Variants in BRWD3 observed in about 807,000 individuals in gnomAD.
BRWD3 encodes the protein bromodomain and WD repeat-containing protein 3.
Under a neutral mutation model 149.7 loss-of-function variants are expected in BRWD3, and 10 were observed. The observed-to-expected ratio is 0.07, with a 90% CI of 0.04 to 0.11. The LOEUF is 0.11. BRWD3 is among the 10% of genes least tolerant of loss of function. BRWD3 has a pLI of 1.00. For synonymous variants in BRWD3, 504 were observed against 456.7 expected (o/e 1.10, Z -1.32); for missense variants, 940 against 1,373.2 (o/e 0.68, Z 4.99).
chrX:80,693,189 A>C lies in BRWD3; in HGVS notation c.3152-138T>G, dbSNP rs905881941. ...AGCTTCCATCTAGGTTTTCGGGATA[A>C]GTGATTATTTTACATTTTAACCTCT... On this transcript the variant is annotated intron_variant, in intron 27 of 40. Transcript: ENST00000373275. The C allele has an allele frequency of 6.1e-5, 29 of 475,944 alleles. No individual in the cohort carries two copies. The East Asian group carries it at 9.6e-4, about 16-fold the overall frequency. The allele number at this position is 475,944 out of a possible 1,213,427, so 39.2% of individuals were successfully genotyped here.
Position 80,676,999 on chromosome X carries a change from T to C in BRWD3, c.5019A>G (p.Arg1673=). 1.7e-6 allele frequency: 2 copies of C among 1,210,553 alleles called. No homozygotes were observed. Among genetic ancestry groups the C allele is most frequent in the Non-Finnish European group, 2.2e-6 (2 of 894,593 alleles). The change falls in exon 41 of 41, where the codon AGA becomes AGG. Residue 1673 remains arginine, a synonymous_variant. Coordinates refer to ENST00000373275, the MANE Select transcript of BRWD3 (RefSeq NM_153252.5). ...ATCTACCCCATCTTCCCCATCTGCC[T>C]CTTCCTCCTGTGCCTCTGGTCTTCC... The part of the protein sequence containing the change: ...RNWKTRGTGG[R]GRWGRWGRWS...
chrX:80,709,986 A>G, intron 20 of BRWD3: 3 of 1,125,669 alleles, frequency 2.7e-6, no homozygotes, highest in Non-Finnish European at 3.7e-6. Context: ...CAAACTGAAT[A>G]TGCAATGGAA....
chrX:80,722,853 T>C (rs916931783), intron 16 of BRWD3, 66 bp from the exon 17 acceptor site: 11 of 957,048 alleles, frequency 1.1e-5, no homozygotes, highest in South Asian at 2.0e-5. Flanking sequence ...TTGTTTTCAT[T>C]CCTTGAGCAC....
chrX:80,735,950 T>C, intron 9 of BRWD3, 38 bp downstream of exon 9: 1 of 987,216 alleles, frequency 1.0e-6, no homozygotes, highest in Admixed American at 2.3e-5. Flanking sequence ...AGATAAAAAA[T>C]TAACATGCTT....
At chrX:80,743,857 A>T (rs1356295577) in intron 8 of BRWD3, 175 bp downstream of exon 8, 1 of 400,148 alleles carries the variant, frequency 2.5e-6, no homozygotes, top group African/African-American at 2.5e-5. Flanking sequence ...AAAAAAGATA[A>T]TCATATGAAA....
intron 25 of BRWD3, among the ~76,000 whole-genome samples, chrX:80,697,649 T>C (rs140900106): frequency 0.024 from 2,669 of 111,819 alleles, 63 homozygotes; most frequent in African/African-American, 0.083. Flanking sequence ...GTAAAGGCCA[T>C]GACCTCAATT....
chrX:80,702,495 G>A (rs910272200), intron 24 of BRWD3, among the ~76,000 whole-genome samples: 7 of 112,313 alleles, frequency 6.2e-5, no homozygotes, highest in African/African-American at 2.3e-4. Context: ...ATAGTGATTT[G>A]ATATATGCCA....
chrX:80,804,613 A>T (rs191853006), intron 4 of BRWD3, among the ~76,000 whole-genome samples: 170 of 111,786 alleles, frequency 1.5e-3, no homozygotes, highest in African/African-American at 5.4e-3. Flanking sequence ...AAAGTTTCCA[A>T]ATCACCATTT....
At chrX:80,740,254 G>A (rs767319846) in intron 8 of BRWD3, among the ~76,000 whole-genome samples, 10 of 111,404 alleles carry the variant, frequency 9.0e-5, no homozygotes, top group African/African-American at 2.6e-4. Flanking sequence ...CTCCAAAAGT[G>A]GTCTCTTTCT....
intron 6 of BRWD3, among the ~76,000 whole-genome samples, chrX:80,782,857 A>C (rs1263103168): frequency 1.8e-5 from 2 of 110,779 alleles, no homozygotes; most frequent in Admixed American, 9.8e-5. Flanking sequence ...TGGTTGAACC[A>C]GTGCACTCCA....
At chrX:80,784,605 T>G (rs2074090224) in intron 6 of BRWD3, among the ~76,000 whole-genome samples, 1 of 111,534 alleles carries the variant, frequency 9.0e-6, no homozygotes, top group African/African-American at 3.3e-5. Flanking sequence ...GTTCTCATTG[T>G]TCAGCTCCCA....
chrX:80,717,956 G>A (rs947687791), intron 18 of BRWD3, among the ~76,000 whole-genome samples, 197 bp from the exon 19 acceptor site: 5 of 111,614 alleles, frequency 4.5e-5, no homozygotes, highest in Non-Finnish European at 9.4e-5. Context: ...ATTGAGAAAT[G>A]TTTAAAATTT....
In BRWD3 at chrX:80,722,677, TGGA is replaced by T; in HGVS notation, c.1758_1760del (p.Pro587del). The T allele has an allele frequency of 8.3e-7, 1 of 1,210,781 alleles. No homozygotes were observed. ...GATTTCCATCAACATCCACCAAAAA[TGGA>T]GGAGGCATGAGGTGAGGAGCTTGTT... On this transcript the variant is annotated inframe_deletion, in exon 17 of 41. Transcript: ENST00000373275.
At chrX:80,751,401 T>G (rs918044669) in intron 6 of BRWD3, among the ~76,000 whole-genome samples, 1 of 109,443 alleles carries the variant, frequency 9.1e-6, no homozygotes, top group Admixed American at 9.8e-5. Flanking sequence ...AATAAATGAA[T>G]GAAACAAACA....
At chrX:80,716,284 A>G (rs1296587871) in intron 19 of BRWD3, 34 bp from the exon 20 acceptor site, 1 of 1,051,312 alleles carries the variant, frequency 9.5e-7, no homozygotes, top group Admixed American at 2.2e-5. Context: ...GTAACAGAAA[A>G]TCAAGAAGAA....
At chrX:80,788,702 T>C (rs1482515526) in intron 6 of BRWD3, among the ~76,000 whole-genome samples, 2 of 112,179 alleles carry the variant, frequency 1.8e-5, no homozygotes, top group African/African-American at 6.5e-5. Context: ...GCTTTATCCA[T>C]AATAGGCAAA....
chrX:80,722,752 A>G lies in BRWD3; in HGVS notation c.1686T>C (p.Arg562=), dbSNP rs779096311. Residue 562 remains arginine (R), a synonymous_variant, in exon 17 of 41, where the codon CGT becomes CGC. Transcript: ENST00000373275. The part of the protein sequence containing the change: ...PDQMFFHTDY[R]PLIRDANNYV... ...AGTTATTGGCATCACGAATAAGAGG[A>G]CGATAATCCGTGTGGAAGAACATCT... 1 of 1,210,696 alleles carries G rather than the reference A, an allele frequency of 8.3e-7. No individual in the cohort carries two copies. Among genetic ancestry groups the G allele is most frequent in the Non-Finnish European group, 1.1e-6 (1 of 894,489 alleles).
intron 34 of BRWD3, 102 bp downstream of exon 34, chrX:80,687,967 A>G: frequency 1.6e-6 from 1 of 633,726 alleles, no homozygotes; most frequent in Non-Finnish European, 2.7e-6. Context: ...CTTAGTTGCA[A>G]GAATCCTTCT....
intron 4 of BRWD3, among the ~76,000 whole-genome samples, chrX:80,804,208 T>A (rs2074328471): frequency 1.8e-5 from 2 of 111,332 alleles, no homozygotes; most frequent in Non-Finnish European, 3.8e-5. Context: ...TAAAACTATA[T>A]ACCACACCTA....
Sources: gnomAD v4.1 joint callset for allele counts (sites outside exome capture counted in the v4.1 genomes callset) on GRCh38, gnomAD v4.1.1 for gene constraint, MANE v1.5 for transcripts, NCBI Gene and HGNC (gene_info 2026-07-23, HGNC 2026-07-21) for gene names.